The following KPNA3 variants were observed in gnomAD, a reference collection of about 807,000 sequenced individuals.
KPNA3 encodes karyopherin subunit alpha 3, also known as importin subunit alpha-4.
A neutral mutation model predicts 73.8 loss-of-function variants in KPNA3; 13 were observed. The observed-to-expected ratio is 0.18, with a 90% confidence interval of 0.11 to 0.28. The LOEUF is 0.28. Ranked by LOEUF, KPNA3 falls within the 10% of genes least tolerant of loss-of-function variation. The probability of loss-of-function intolerance (pLI) is 1.00; values close to 1 mark genes in which losing one functional copy is unlikely to be tolerated. For missense variants in KPNA3, 360 were observed against 618.1 expected, an observed-to-expected ratio of 0.58 and a Z score of 4.43; for synonymous variants, 186 against 206.9, an observed-to-expected ratio of 0.90 and a Z score of 0.87.
At chr13:49,747,326 G>A (rs1202074684) in intron 1 of KPNA3, among the ~76,000 whole-genome samples, 1 of 151,596 alleles carries the variant, frequency 6.6e-6, no homozygotes, top group Non-Finnish European at 1.5e-5. Context: ...AGGCCTGGGC[G>A]ACAGAGCGAG....
Position 49,746,933 on chromosome 13 carries a change from T to C in KPNA3, c.114+16A>G. 6.3e-7 allele frequency: 1 copy of C among 1,586,432 alleles called. No individual in the cohort carries two copies. The highest frequency in any genetic ancestry group is 8.7e-7 in the Non-Finnish European group (1 of 1,155,926). On this transcript the variant is annotated intron_variant, in intron 2 of 16. Coordinates refer to ENST00000261667, the MANE Select transcript of KPNA3 (RefSeq NM_002267.4). ...AAAAATCTAATTACTTTTCTTTAAA[T>C]GTAAATCAACCTTACCTTCCGCAGT...
intron 1 of KPNA3, among the ~76,000 whole-genome samples, chr13:49,770,840 A>G (rs1954848390): frequency 7.0e-6 from 1 of 143,292 alleles, no homozygotes; most frequent in Non-Finnish European, 1.5e-5. Flanking sequence ...CTACCAAAAA[A>G]AAAAAAAAAA....
intron 9 of KPNA3, 99 bp downstream of exon 9, chr13:49,721,856 T>G: frequency 2.0e-5 from 15 of 766,758 alleles, no homozygotes; most frequent in Non-Finnish European, 2.9e-5. Context: ...ACACCTGCAA[T>G]GAAATCAGTA....
At position 49,704,515 on chromosome 13, in the gene KPNA3, C is replaced by A. The variant is rs1433018810; in HGVS notation, c.1372+1106G>T. 5.3e-5 allele frequency among the ~76,000 whole-genome samples: 8 copies of A among 150,740 alleles called. No individual in the cohort carries two copies. In the South Asian group the frequency reaches 1.7e-3, roughly 32 times the overall value. On this transcript the variant is annotated intron_variant, in intron 15 of 16. Coordinates refer to ENST00000261667, the MANE Select transcript of KPNA3 (RefSeq NM_002267.4). ...AAGAAATCCTCCCAGTCTGAATATT[C>A]TACGGTACTACTGCATTTGTTTTCT...
At chr13:49,790,899 A>T (rs951487270) in intron 1 of KPNA3, among the ~76,000 whole-genome samples, 2 of 152,264 alleles carry the variant, frequency 1.3e-5, no homozygotes, top group African/African-American at 2.4e-5. Context: ...GGAACAGGAT[A>T]GGCTTCAAGA....
rs150169805 is a variant in KPNA3 at position 49,721,283 on chromosome 13, G to A, written c.726+672C>T. Among the ~76,000 whole-genome samples, 185 of 152,268 alleles carry A rather than the reference G, an allele frequency of 1.2e-3. 1 individual carries two copies. Among genetic ancestry groups the A allele is most frequent in the Middle Eastern group, 3.4e-3 (1 of 294 alleles). ...CAAACTCATTCAAGAACATTTGCAT[G>A]TAAGTATACTAGTTTTGCCTGTAGC... On this transcript the variant is annotated intron_variant, in intron 9 of 16. Transcript: ENST00000261667.
chr13:49,767,118 C>G (rs1204715828), intron 1 of KPNA3, among the ~76,000 whole-genome samples: 1 of 150,718 alleles, frequency 6.6e-6, no homozygotes, highest in African/African-American at 2.4e-5. Flanking sequence ...TAATTTAATA[C>G]AAGAATAATA....
intron 1 of KPNA3, among the ~76,000 whole-genome samples, chr13:49,766,038 T>C (rs939001412): frequency 2.6e-5 from 4 of 152,238 alleles, no homozygotes; most frequent in African/African-American, 9.6e-5. Context: ...TTACTTAATT[T>C]ACTGTTTTCA....
intron 2 of KPNA3, among the ~76,000 whole-genome samples, chr13:49,738,990 A>C (rs916687475): frequency 6.6e-6 from 1 of 152,240 alleles, no homozygotes; most frequent in Non-Finnish European, 1.5e-5. Context: ...CTCTTTACCA[A>C]GATGAGGCAA....
intron 9 of KPNA3, among the ~76,000 whole-genome samples, chr13:49,721,264 CA>C (rs1954354529): frequency 6.6e-6 from 1 of 152,116 alleles, no homozygotes; most frequent in Admixed American, 6.6e-5. Context: ...AAAGCAAACT[CA>C]TTCAAGAACA....
intron 1 of KPNA3, among the ~76,000 whole-genome samples, chr13:49,773,145 C>A (rs539432437): frequency 6.6e-5 from 10 of 151,784 alleles, no homozygotes; most frequent in Non-Finnish European, 1.3e-4. Context: ...CACATTTAAA[C>A]GAAATTCTGG....
intron 7 of KPNA3, 113 bp downstream of exon 7, chr13:49,725,303 T>C (rs1468986387): frequency 9.7e-6 from 5 of 514,368 alleles, no homozygotes; most frequent in Non-Finnish European, 1.7e-5. Context: ...AAAAGTAACT[T>C]ATAAAAGTCA....
At chr13:49,712,019 T>C (rs1317872115) in intron 10 of KPNA3, among the ~76,000 whole-genome samples, 1 of 152,178 alleles carries the variant, frequency 6.6e-6, no homozygotes, top group East Asian at 1.9e-4. Context: ...GGACAGAAGC[T>C]GGGCCTAAGA....
intron 12 of KPNA3, among the ~76,000 whole-genome samples, chr13:49,707,651 T>C (rs1954220519): frequency 1.3e-5 from 2 of 152,020 alleles, no homozygotes; most frequent in Non-Finnish European, 2.9e-5. Context: ...TCTGCCCAGC[T>C]TCCTCACTTC....
At chr13:49,708,489 A>G (rs1450285661) in intron 12 of KPNA3, among the ~76,000 whole-genome samples, 2 of 152,248 alleles carry the variant, frequency 1.3e-5, no homozygotes. Context: ...AGCTAAACCC[A>G]GAATTAACAT....
Position 49,704,421 on chromosome 13 carries a change from AATAAATAAAT to A in KPNA3, c.1372+1190_1372+1199del, listed in dbSNP as rs1294332441. Among the ~76,000 whole-genome samples the A allele has an allele frequency of 4.0e-3, 424 of 106,764 alleles. 2 individuals carry two copies. The highest frequency in any genetic ancestry group is 9.3e-3 in the Middle Eastern group (2 of 214). 70.0% of individuals were successfully genotyped at this position (106,764 alleles called of 152,430 possible). On this transcript the variant is annotated intron_variant, in intron 15 of 16. Transcript: ENST00000261667. ...GAGCGAAACTCTGTCTCAAAAAAAA[AATAAATAAAT>A]AAAAAATAAATAAATAAATAAATAA... is the stretch of plus-strand genomic sequence containing the variant.
intron 2 of KPNA3, among the ~76,000 whole-genome samples, chr13:49,734,865 T>C (rs1016929424): frequency 6.6e-6 from 1 of 151,758 alleles, no homozygotes; most frequent in African/African-American, 2.4e-5. Flanking sequence ...ATATCTTTGA[T>C]GAATTTCCCC....
At chr13:49,782,224 G>T (rs994780620) in intron 1 of KPNA3, among the ~76,000 whole-genome samples, 3 of 152,198 alleles carry the variant, frequency 2.0e-5, no homozygotes, top group African/African-American at 4.8e-5. Context: ...AAAGCAGGGG[G>T]AATGGATACA....
chr13:49,759,336 C>A (rs1954738461), intron 1 of KPNA3, among the ~76,000 whole-genome samples: 1 of 152,206 alleles, frequency 6.6e-6, no homozygotes, highest in Non-Finnish European at 1.5e-5. Context: ...TAGATGTAGT[C>A]TAGCTCAGCT....
Sources: gnomAD v4.1 joint callset for allele counts (sites outside exome capture counted in the v4.1 genomes callset) on GRCh38, gnomAD v4.1.1 for gene constraint, MANE v1.5 for transcripts, NCBI Gene and HGNC (gene_info 2026-07-23, HGNC 2026-07-21) for gene names.